Variants in ACOXL observed in about 807,000 individuals in gnomAD.
ACOXL encodes the protein acyl-CoA oxidase like.
In ACOXL, 70 loss-of-function variants were observed where a neutral mutation model predicts 71.9. The observed-to-expected ratio is 0.97, with a 90% confidence interval of 0.80 to 1.19. ACOXL has a LOEUF of 1.19. Ranked by LOEUF, ACOXL falls within the 50% of genes most tolerant of loss-of-function variation. The pLI, the probability that ACOXL is intolerant of heterozygous loss-of-function variation, is 0.00. For missense variants in ACOXL, 703 were observed against 736.3 expected, an observed-to-expected ratio of 0.95 and a Z score of 0.52; for synonymous variants, 253 against 281.6, an observed-to-expected ratio of 0.90 and a Z score of 1.02.
chr2:111,013,756 G>T (rs1180547498), intron 14 of ACOXL, among the ~76,000 whole-genome samples: 1 of 152,068 alleles, frequency 6.6e-6, no homozygotes, highest in African/African-American at 2.4e-5. Flanking sequence ...AGACAAAATA[G>T]TATCAGTCTT....
chr2:110,920,937 A>T (rs556901587), intron 11 of ACOXL, among the ~76,000 whole-genome samples: 350 of 152,282 alleles, frequency 2.3e-3, no homozygotes, highest in African/African-American at 8.2e-3. Context: ...TTTTGAAGGT[A>T]CAGTTGTTTA....
intron 16 of ACOXL, among the ~76,000 whole-genome samples, chr2:111,073,617 G>T (rs1215202983): frequency 6.6e-6 from 1 of 152,022 alleles, no homozygotes; most frequent in East Asian, 1.9e-4. Context: ...TGTTCCCATT[G>T]ACCTACGTGT....
intron 16 of ACOXL, among the ~76,000 whole-genome samples, chr2:111,076,947 T>C (rs1038437308): frequency 8.5e-5 from 13 of 152,210 alleles, no homozygotes; most frequent in Non-Finnish European, 1.9e-4. Context: ...CTTCTGTCTG[T>C]GAAATCTCTC....
At chr2:111,075,998 G>A (rs1199457276) in intron 16 of ACOXL, among the ~76,000 whole-genome samples, 2 of 151,664 alleles carry the variant, frequency 1.3e-5, no homozygotes, top group Non-Finnish European at 2.9e-5. Flanking sequence ...CCAGGATATG[G>A]TCTATCTTGG....
At chr2:110,972,703 G>C (rs2062262185) in intron 12 of ACOXL, among the ~76,000 whole-genome samples, 3 of 151,754 alleles carry the variant, frequency 2.0e-5, no homozygotes. Flanking sequence ...AAAGGAAAAA[G>C]ACACATGGGC....
chr2:110,955,214 A>G (rs1255443502), intron 12 of ACOXL, among the ~76,000 whole-genome samples: 5 of 152,116 alleles, frequency 3.3e-5, no homozygotes, highest in African/African-American at 9.7e-5. Flanking sequence ...ATCTCCTTCT[A>G]GGCGTATTAG....
intron 10 of ACOXL, among the ~76,000 whole-genome samples, chr2:110,848,662 C>CCCCT (rs966574568): frequency 1.3e-5 from 2 of 152,140 alleles, no homozygotes; most frequent in African/African-American, 4.8e-5. Flanking sequence ...CCCCTTTAGT[C>CCCCT]CCCTGTCTCC....
At chr2:110,998,501 C>A (rs2063490644) in intron 14 of ACOXL, among the ~76,000 whole-genome samples, 1 of 152,244 alleles carries the variant, frequency 6.6e-6, no homozygotes, top group Non-Finnish European at 1.5e-5. Flanking sequence ...AAAGTTCCCA[C>A]TGCGAATTGC....
rs533775813 is a variant in ACOXL at position 111,003,509 on chromosome 2, C to T, written c.1281+7505C>T. Among the ~76,000 whole-genome samples, 25 of 130,356 alleles carry T rather than the reference C, an allele frequency of 1.9e-4. No homozygotes were observed. In the East Asian group the frequency reaches 5.0e-3, roughly 26 times the overall value. The allele number at this position is 130,356 out of a possible 152,430, so 85.5% of individuals were successfully genotyped here. The stretch of plus-strand genomic sequence containing the variant: ...GAGGTTGCAGCGAACCGAGATTGCA[C>T]CACTGCACTCCAGCCTGGGCGACAG... On this transcript the variant is annotated intron_variant, in intron 14 of 17. Transcript: ENST00000439055.
At chr2:111,075,175 A>G (rs781207489) in intron 16 of ACOXL, among the ~76,000 whole-genome samples, 2 of 152,078 alleles carry the variant, frequency 1.3e-5, no homozygotes, top group Non-Finnish European at 2.9e-5. Flanking sequence ...GTTATTTTTT[A>G]TGTAAATATT....
chr2:111,052,718 T>A (rs972525389), intron 16 of ACOXL, among the ~76,000 whole-genome samples: 1 of 152,140 alleles, frequency 6.6e-6, no homozygotes, highest in Non-Finnish European at 1.5e-5. Flanking sequence ...ATCTCTTTGG[T>A]CCCTCTCGGT....
At chr2:111,041,879 T>C (rs1277176680) in intron 15 of ACOXL, among the ~76,000 whole-genome samples, 1 of 152,190 alleles carries the variant, frequency 6.6e-6, no homozygotes, top group African/African-American at 2.4e-5. Flanking sequence ...CCCGACTTTG[T>C]GCCTGAGCCA....
chr2:111,016,158 ACTC>A (rs1157331546), intron 14 of ACOXL, among the ~76,000 whole-genome samples: 1 of 151,260 alleles, frequency 6.6e-6, no homozygotes, highest in East Asian at 1.9e-4. Flanking sequence ...CTGGTCTCAA[ACTC>A]CTGACCTCGA....
intron 10 of ACOXL, among the ~76,000 whole-genome samples, chr2:110,883,012 T>C (rs1322156241): frequency 1.3e-5 from 2 of 152,032 alleles, no homozygotes; most frequent in Non-Finnish European, 1.5e-5. Context: ...TAGTGCCTTT[T>C]CCACAACAAC....
chr2:110,873,139 C>T (rs1695473182), intron 10 of ACOXL, among the ~76,000 whole-genome samples: 1 of 152,182 alleles, frequency 6.6e-6, no homozygotes, highest in Admixed American at 6.5e-5. Context: ...GGTGACAAAA[C>T]TGGGGAAGTT....
At position 110,816,137 on chromosome 2, in the gene ACOXL, A is replaced by T. The variant is rs181073338; in HGVS notation, c.753+10742A>T. On this transcript the variant is annotated intron_variant, in intron 9 of 17. Transcript: ENST00000439055. ...GGTGGGTGGATGGATGAATGGATGG[A>T]TAGACAGATGTATAAATGGATGCAT... Among the ~76,000 whole-genome samples the T allele has an allele frequency of 1.0e-3, 158 of 152,114 alleles. 1 individual carries two copies. Among genetic ancestry groups the T allele is most frequent in the African/African-American group, 3.6e-3 (151 of 41,494 alleles).
intron 16 of ACOXL, among the ~76,000 whole-genome samples, chr2:111,051,837 A>G (rs1350843418): frequency 1.3e-5 from 2 of 152,164 alleles, no homozygotes; most frequent in Non-Finnish European, 2.9e-5. Context: ...TGCATTCTAC[A>G]TTGTCAAGGG....
intron 14 of ACOXL, 82 bp from the exon 15 acceptor site, chr2:111,031,545 G>A (rs1574541023): frequency 7.8e-7 from 1 of 1,289,884 alleles, no homozygotes; most frequent in East Asian, 2.3e-5. Flanking sequence ...TGAAAATTTG[G>A]ATGTTTGCCG....
At chr2:110,741,209 G>A (rs1207319049) in intron 1 of ACOXL, among the ~76,000 whole-genome samples, 2 of 152,174 alleles carry the variant, frequency 1.3e-5, no homozygotes, top group South Asian at 2.1e-4. Flanking sequence ...TAATAGGGCT[G>A]CCGTAATAAT....
Sources: allele counts gnomAD v4.1 joint callset (sites outside exome capture counted in the v4.1 genomes callset), GRCh38; gene constraint gnomAD v4.1.1; transcripts MANE v1.5; gene names NCBI Gene and HGNC (gene_info 2026-07-23, HGNC 2026-07-21).